ASIC2: variants seen among roughly 807,000 people sequenced by gnomAD.
ASIC2 encodes the protein acid-sensing ion channel 2.
ASIC2 carries 25 observed loss-of-function variants against 57.3 expected under a neutral mutation model. The ratio of observed to expected loss-of-function variants is 0.44; its 90% CI spans 0.32 to 0.61. The LOEUF (loss-of-function observed/expected upper bound fraction) is 0.61. Among genes scored for constraint, ASIC2 ranks in the 20% least tolerant of loss-of-function variants. The probability of loss-of-function intolerance (pLI) is 0.06; values close to 1 mark genes in which losing one functional copy is unlikely to be tolerated. For missense variants in ASIC2, 641 were observed against 738.1 expected, an observed-to-expected ratio of 0.87 and a Z score of 1.52; for synonymous variants, 319 against 307.5, an observed-to-expected ratio of 1.04 and a Z score of -0.39.
chr17:33,812,437 G>C (rs749726705), intron 1 of ASIC2, among the ~76,000 whole-genome samples: 3 of 152,166 alleles, frequency 2.0e-5, no homozygotes, highest in Non-Finnish European at 4.4e-5. Flanking sequence ...GATTGGAGAG[G>C]AGAGCAAGAC....
At chr17:33,496,792 A>G (rs1376736093) in intron 1 of ASIC2, among the ~76,000 whole-genome samples, 1 of 151,402 alleles carries the variant, frequency 6.6e-6, no homozygotes, top group East Asian at 1.9e-4. Flanking sequence ...TAATTGTTCT[A>G]TTTTTAGTAG....
intron 1 of ASIC2, among the ~76,000 whole-genome samples, chr17:33,523,330 C>T (rs62055344): frequency 0.07 from 10,687 of 152,248 alleles, 517 homozygotes; most frequent in South Asian, 0.15. Context: ...CATCTGGGCT[C>T]ACTGCAACCT....
At chr17:33,933,574 G>A (rs1915991888) in intron 1 of ASIC2, among the ~76,000 whole-genome samples, 4 of 152,210 alleles carry the variant, frequency 2.6e-5, no homozygotes, top group Admixed American at 1.3e-4. Flanking sequence ...CAGTGGCTGG[G>A]TGACCTGGGA....
chr17:33,477,536 G>A (rs1364470979), intron 1 of ASIC2, among the ~76,000 whole-genome samples: 4 of 152,186 alleles, frequency 2.6e-5, no homozygotes, highest in Non-Finnish European at 5.9e-5. Flanking sequence ...TTCACCTTCT[G>A]TAGTCTGTGC....
At chr17:33,741,149 C>CTT (rs1182715878) in intron 1 of ASIC2, among the ~76,000 whole-genome samples, 90 of 152,302 alleles carry the variant, frequency 5.9e-4, no homozygotes, top group South Asian at 3.1e-3. Flanking sequence ...AGTGACTGCC[C>CTT]AGGGTCTTCA....
chr17:34,033,678 G>A (rs1907729452), intron 1 of ASIC2, among the ~76,000 whole-genome samples: 1 of 151,892 alleles, frequency 6.6e-6, no homozygotes, highest in Non-Finnish European at 1.5e-5. Context: ...ATGATGAAGG[G>A]GCTATCATCA....
At chr17:33,340,716 C>A (rs1459697816) in intron 1 of ASIC2, among the ~76,000 whole-genome samples, 3 of 152,064 alleles carry the variant, frequency 2.0e-5, no homozygotes, top group African/African-American at 7.2e-5. Flanking sequence ...GGGGCTCCTG[C>A]ATCATCAAAC....
At chr17:33,299,499 C>G (rs1349072804) in intron 1 of ASIC2, among the ~76,000 whole-genome samples, 1 of 152,038 alleles carries the variant, frequency 6.6e-6, no homozygotes, top group Non-Finnish European at 1.5e-5. Flanking sequence ...TCCTTCCTTT[C>G]ATGTGCTTCA....
In ASIC2 at chr17:33,314,845, A is replaced by G. The variant is rs117303508; in HGVS notation, c.556-202778T>C. Among the ~76,000 whole-genome samples the G allele has an allele frequency of 4.6e-3, 703 of 152,292 alleles. 2 individuals are homozygous for G. Among genetic ancestry groups the G allele is most frequent in the East Asian group, 8.3e-3 (43 of 5,180 alleles). ...TGTGGATGTTTAGTCTTGTCAATAT[A>G]GCTTGGACCAGACCTTTCTTTTTCT... On this transcript the variant is annotated intron_variant, in intron 1 of 9. Transcript: ENST00000359872.
intron 1 of ASIC2, among the ~76,000 whole-genome samples, chr17:33,493,456 C>A (rs1279255926): frequency 6.6e-6 from 1 of 152,188 alleles, no homozygotes; most frequent in Non-Finnish European, 1.5e-5. Context: ...ACAGATTTGA[C>A]CGTGGGTACT....
chr17:33,630,386 A>T (rs867612211), intron 1 of ASIC2, among the ~76,000 whole-genome samples: 3 of 151,996 alleles, frequency 2.0e-5, no homozygotes, highest in African/African-American at 7.3e-5. Context: ...GCTTTCACGA[A>T]CCAGTCTGCA....
chr17:33,040,417 A>G (rs533298724), intron 3 of ASIC2, among the ~76,000 whole-genome samples: 1 of 152,356 alleles, frequency 6.6e-6, no homozygotes, highest in East Asian at 1.9e-4. Flanking sequence ...TTGGGGCAGG[A>G]ATTGTAACCT....
chr17:33,765,137 G>T (rs771287329), intron 1 of ASIC2, among the ~76,000 whole-genome samples: 1 of 151,660 alleles, frequency 6.6e-6, no homozygotes, highest in African/African-American at 2.4e-5. Flanking sequence ...ACGGAGTCTC[G>T]CTCTGTCGCC....
chr17:33,399,750 G>T (rs1910214198), intron 1 of ASIC2, among the ~76,000 whole-genome samples: 1 of 152,150 alleles, frequency 6.6e-6, no homozygotes. Context: ...AGAAAGCCTT[G>T]CCCAAGAGTT....
At chr17:33,038,778 G>A (rs1279120358) in intron 3 of ASIC2, among the ~76,000 whole-genome samples, 1 of 152,192 alleles carries the variant, frequency 6.6e-6, no homozygotes, top group African/African-American at 2.4e-5. Flanking sequence ...TAACCTGCCT[G>A]GGGACATCCT....
intron 1 of ASIC2, among the ~76,000 whole-genome samples, chr17:33,870,139 T>C (rs1220683415): frequency 6.7e-6 from 1 of 149,336 alleles, no homozygotes; most frequent in African/African-American, 2.5e-5. Context: ...TTAGAAACCG[T>C]AATAGATGCT....
chr17:33,832,103 C>T (rs1913131646), intron 1 of ASIC2, among the ~76,000 whole-genome samples: 1 of 152,216 alleles, frequency 6.6e-6, no homozygotes, highest in Non-Finnish European at 1.5e-5. Flanking sequence ...CTCAACTGCT[C>T]TACCAATACT....
At chr17:33,239,003 CAAAA>C (rs374023817) in intron 1 of ASIC2, among the ~76,000 whole-genome samples, 13 of 151,000 alleles carry the variant, frequency 8.6e-5, no homozygotes, top group East Asian at 4.0e-4. Flanking sequence ...GACTCTGTCT[CAAAA>C]AAACAAACAA....
intron 1 of ASIC2, among the ~76,000 whole-genome samples, chr17:33,514,243 G>A (rs1007751113): frequency 6.6e-6 from 1 of 152,096 alleles, no homozygotes; most frequent in Non-Finnish European, 1.5e-5. Context: ...TGAGAGAACT[G>A]AGGCCCTGGA....
Sources: gnomAD v4.1 joint callset for allele counts (sites outside exome capture counted in the v4.1 genomes callset) on GRCh38, gnomAD v4.1.1 for gene constraint, MANE v1.5 for transcripts, NCBI Gene and HGNC (gene_info 2026-07-23, HGNC 2026-07-21) for gene names.